CPLANE1: variants seen among roughly 807,000 people sequenced by gnomAD.
CPLANE1 encodes the protein ciliogenesis and planar polarity effector 1.
CPLANE1 carries 263 observed loss-of-function variants against 362.5 expected under a neutral mutation model. That is an observed-to-expected ratio of 0.73 (90% CI 0.66 to 0.80). The LOEUF (loss-of-function observed/expected upper bound fraction) is 0.80. Ranked by LOEUF, CPLANE1 falls within the 30% of genes least tolerant of loss-of-function variation. CPLANE1 has a pLI of 0.00. For synonymous variants in CPLANE1, 1,212 were observed against 1,302.6 expected, an observed-to-expected ratio of 0.93 and a Z score of 1.50; for missense variants, 3,461 against 3,793.4, an observed-to-expected ratio of 0.91 and a Z score of 2.30.
the CPLANE1 span, among the ~76,000 whole-genome samples, chr5:37,089,798 C>T: frequency 6.6e-6 from 1 of 152,148 alleles, no homozygotes; most frequent in Non-Finnish European, 1.5e-5. Flanking sequence ...GAAAAGCCAG[C>T]TTGTCGAATT....
chr5:37,240,768 T>C (rs1195767402), intron 6 of CPLANE1, among the ~76,000 whole-genome samples: 1 of 152,184 alleles, frequency 6.6e-6, no homozygotes, highest in Non-Finnish European at 1.5e-5. Flanking sequence ...AAAGAGAACC[T>C]GCAGATTAGC....
intron 15 of CPLANE1, among the ~76,000 whole-genome samples, chr5:37,219,978 C>T (rs995912816): frequency 7.2e-5 from 11 of 152,244 alleles, no homozygotes; most frequent in Middle Eastern, 3.4e-3. Context: ...GTAAGCCAAG[C>T]ACAGTGGCTC....
At chr5:37,247,991 T>C (rs946194572) in intron 1 of CPLANE1, among the ~76,000 whole-genome samples, 1 of 151,622 alleles carries the variant, frequency 6.6e-6, no homozygotes, top group African/African-American at 2.4e-5. Flanking sequence ...GGTTTCACCA[T>C]GTTGGCCAGG....
At chr5:37,151,759 A>G (rs1773621467) in intron 42 of CPLANE1, among the ~76,000 whole-genome samples, 1 of 152,174 alleles carries the variant, frequency 6.6e-6, no homozygotes, top group Non-Finnish European at 1.5e-5. Flanking sequence ...TTAAAAAAAC[A>G]GAAAGCAGGC....
chr5:37,226,619 T>C lies in CPLANE1; in HGVS notation c.1976A>G (p.His659Arg). 6.4e-7 allele frequency: 1 copy of C among 1,551,486 alleles called. No individual in the cohort carries two copies. Residue 659 changes from histidine (H) to arginine (R), a missense_variant, in exon 12 of 53, where the codon CAT (histidine) becomes CGT (arginine). His to Arg is a conservative substitution (Grantham distance 29). This residue lies in a region of CPLANE1 where 3,380 missense variants were observed against 3,666.1 expected (regional missense o/e 0.92). Transcript: ENST00000651892. Reference protein sequence around the residue: ...WDIRYKQDVGHLIKLTSNTVK... With the variant: ...WDIRYKQDVGRLIKLTSNTVK... ...AGTATTTGAGGTCAGCTTTATCAAATGCCCCACATCTTGTTTGTATCTTAT... is the reference window on the plus strand; with the variant it reads ...AGTATTTGAGGTCAGCTTTATCAAACGCCCCACATCTTGTTTGTATCTTAT...
At position 37,116,667 on chromosome 5, in the gene CPLANE1, A is replaced by C. The variant is rs1171042049; in HGVS notation, c.9311-1618T>G. On this transcript the variant is annotated intron_variant, in intron 50 of 52. Coordinates refer to ENST00000651892, the MANE Select transcript of CPLANE1 (RefSeq NM_001384732.1). ...GTATGGAAGCAGGGCTGAAGAAATT[A>C]GCCAAAAACTACATACTGCTTTACA... 2.6e-5 allele frequency among the ~76,000 whole-genome samples: 4 copies of C among 152,170 alleles called. No individual in the cohort carries two copies. In the East Asian group the frequency reaches 7.8e-4, roughly 30 times the overall value.
chr5:37,232,154 C>T (rs1177600925), intron 8 of CPLANE1, among the ~76,000 whole-genome samples: 1 of 152,106 alleles, frequency 6.6e-6, no homozygotes, highest in Non-Finnish European at 1.5e-5. Context: ...AGCTCATATG[C>T]CATCCCAAAT....
chr5:37,099,601 A>G, the CPLANE1 span, among the ~76,000 whole-genome samples: 1 of 152,338 alleles, frequency 6.6e-6, no homozygotes, highest in East Asian at 1.9e-4. Flanking sequence ...TGCAATGAAC[A>G]TATGCATGCA....
rs748175071 is a variant in CPLANE1, at chr5:37,185,017, C to T, written c.4252G>A (p.Ala1418Thr). ...ATATTTCTCTGCACACGTTTTAGAG[C>T]TTTCACCCTCACTTTCTGGATAGAA... ...MHSIQKVRVK[A>T]LKRVQRNIGS... The change falls in exon 25 of 53, where the codon GCT becomes ACT. Residue 1418 changes from alanine (A) to threonine (T), a missense_variant. Transcript: ENST00000651892. 6.2e-7 allele frequency: 1 copy of T among 1,614,084 alleles called. No individual in the cohort carries two copies. Among genetic ancestry groups the T allele is most frequent in the Non-Finnish European group, 8.5e-7 (1 of 1,179,966 alleles).
At chr5:37,243,263 A>G in intron 5 of CPLANE1, 144 bp from the exon 6 acceptor site, 1 of 538,146 alleles carries the variant, frequency 1.9e-6, no homozygotes, top group Non-Finnish European at 3.1e-6. Context: ...CATTAAGCTT[A>G]AGACTAAGTA....
intron 16 of CPLANE1, chr5:37,210,858 G>C (rs1792398473): frequency 2.4e-6 from 2 of 825,144 alleles, no homozygotes; most frequent in South Asian, 1.3e-5. Context: ...TGAGCATGAG[G>C]AGTTCGAAAG....
chr5:37,150,360 T>A (rs1182665905), intron 42 of CPLANE1, among the ~76,000 whole-genome samples: 1 of 152,278 alleles, frequency 6.6e-6, no homozygotes, highest in East Asian at 1.9e-4. Context: ...TATGCTATCA[T>A]GATTTGAACT....
At chr5:37,170,996 C>G (rs1779648862) in intron 32 of CPLANE1, among the ~76,000 whole-genome samples, 2 of 152,248 alleles carry the variant, frequency 1.3e-5, no homozygotes, top group South Asian at 4.1e-4. Flanking sequence ...CAGCAATGAG[C>G]AGAAAGCAGT....
chr5:37,168,477 T>A (rs2150923081), intron 34 of CPLANE1, among the ~76,000 whole-genome samples: 1 of 152,006 alleles, frequency 6.6e-6, no homozygotes, highest in South Asian at 2.1e-4. Flanking sequence ...CCAGTATTGA[T>A]AGAAAGACCT....
intron 41 of CPLANE1, among the ~76,000 whole-genome samples, chr5:37,155,124 G>C (rs915149626): frequency 2.4e-4 from 36 of 152,102 alleles, no homozygotes; most frequent in African/African-American, 7.7e-4. Flanking sequence ...TTTATCTCTA[G>C]CCTATCTAGT....
At chr5:37,152,402 G>A (rs912865970) in intron 42 of CPLANE1, among the ~76,000 whole-genome samples, 1 of 151,638 alleles carries the variant, frequency 6.6e-6, no homozygotes, top group South Asian at 2.1e-4. Flanking sequence ...TCAAACTCCT[G>A]GCCTCGAGTA....
At position 37,183,184 on chromosome 5, in the gene CPLANE1, T is replaced by C; in HGVS notation, c.4997A>G (p.Asn1666Ser). 1.2e-6 allele frequency: 2 copies of C among 1,611,582 alleles called. No homozygotes were observed. Among genetic ancestry groups the C allele is most frequent in the Non-Finnish European group, 1.7e-6 (2 of 1,179,048 alleles). ...GIKPFLQYPSNEVNKNEGMSG... is the reference protein window; with the variant it reads ...GIKPFLQYPSSEVNKNEGMSG... ...CATTCCTTCATTCTTATTGACTTCA[T>C]TCGAAGGATATTGTAAAAAAGGTTT... is the stretch of plus-strand genomic sequence containing the variant. The change falls in exon 26 of 53, where the codon AAT (asparagine) becomes AGT (serine). Residue 1666 changes from asparagine (N) to serine (S), a missense_variant. Physicochemically the swap from Asn to Ser is conservative, Grantham distance 46. Around this residue, in one of 2 missense-constraint regions of CPLANE1, gnomAD observed 3,380 missense variants for 3,666.1 expected, o/e 0.92. Coordinates refer to ENST00000651892, the MANE Select transcript of CPLANE1 (RefSeq NM_001384732.1).
At chr5:37,211,034 G>T in intron 16 of CPLANE1, 1 of 808,034 alleles carries the variant, frequency 1.2e-6, no homozygotes. Flanking sequence ...AGAATGAAGT[G>T]TACTGCAATC....
chr5:37,211,373 A>G (rs1490578343), intron 16 of CPLANE1: 1 of 1,518,272 alleles, frequency 6.6e-7, no homozygotes, highest in Non-Finnish European at 8.8e-7. Context: ...CAAAGAGCCC[A>G]CCATCTCTGC....
Sources: allele counts gnomAD v4.1 joint callset (sites outside exome capture counted in the v4.1 genomes callset), GRCh38; gene constraint gnomAD v4.1.1; regional missense constraint gnomAD v4.1.1; transcripts MANE v1.5; gene names NCBI Gene and HGNC (gene_info 2026-07-23, HGNC 2026-07-21).